Variants in MPPED1 observed in about 807,000 individuals in gnomAD.
MPPED1 encodes metallophosphoesterase domain-containing protein 1.
A neutral mutation model predicts 36.2 loss-of-function variants in MPPED1; 16 were observed. The observed-to-expected ratio is 0.44, with a 90% CI of 0.30 to 0.67. MPPED1 has a LOEUF of 0.67. Among genes scored for constraint, MPPED1 ranks in the 30% least tolerant of loss-of-function variants. The probability of loss-of-function intolerance (pLI) is 0.10; values close to 1 mark genes in which losing one functional copy is unlikely to be tolerated. For missense variants in MPPED1, 307 were observed against 453.4 expected (o/e 0.68, Z 2.93); for synonymous variants, 199 against 191.3 (o/e 1.04, Z -0.33).
chr22:43,448,576 CTTTTTATT>C (rs1930445638), intron 3 of MPPED1, among the ~76,000 whole-genome samples: 1 of 125,528 alleles, frequency 8.0e-6, no homozygotes, highest in African/African-American at 3.1e-5. Flanking sequence ...CTTTTAAAAT[CTTTTTATT>C]TATTTATTTA....
chr22:43,479,170 G>A (rs2146890851), intron 4 of MPPED1, among the ~76,000 whole-genome samples: 1 of 152,318 alleles, frequency 6.6e-6, no homozygotes, highest in South Asian at 2.1e-4. Context: ...CTCATTCGGG[G>A]GGTGCAGGTG....
At chr22:43,497,639 C>T (rs997727743) in intron 4 of MPPED1, among the ~76,000 whole-genome samples, 1 of 151,834 alleles carries the variant, frequency 6.6e-6, no homozygotes, top group African/African-American at 2.4e-5. Flanking sequence ...GCTGGGATTG[C>T]GTATAATGGT....
intron 3 of MPPED1, among the ~76,000 whole-genome samples, chr22:43,443,153 G>T (rs1930211301): frequency 6.6e-6 from 1 of 152,190 alleles, no homozygotes. Context: ...AAGATGGCTG[G>T]GGAAGGCCCC....
chr22:43,490,166 T>C (rs1417077185), intron 4 of MPPED1, among the ~76,000 whole-genome samples: 1 of 152,226 alleles, frequency 6.6e-6, no homozygotes, highest in African/African-American at 2.4e-5. Context: ...CCCAATGTTG[T>C]GGTGTCAGCT....
intron 3 of MPPED1, among the ~76,000 whole-genome samples, chr22:43,446,565 G>A (rs1178743514): frequency 6.6e-6 from 1 of 152,144 alleles, no homozygotes; most frequent in Non-Finnish European, 1.5e-5. Flanking sequence ...AGATGTGGCT[G>A]GAACCCCACG....
intron 4 of MPPED1, among the ~76,000 whole-genome samples, chr22:43,491,451 G>A (rs1312988866): frequency 6.6e-6 from 1 of 151,870 alleles, no homozygotes; most frequent in Non-Finnish European, 1.5e-5. Context: ...GATAGAGGAG[G>A]CGGTGGTGGT....
rs73889267 is a variant in MPPED1 at position 43,425,434 on chromosome 22, C to T, written c.224+225C>T. On this transcript the variant is annotated intron_variant, in intron 2 of 6. Coordinates refer to ENST00000443721, the MANE Select transcript of MPPED1 (RefSeq NM_001044370.2). ...GCCGATTCTGGCCGCAGTCCTGTTTCACTTGGCCAGGAGCATGTTTTACAA... is the reference window on the plus strand; with the variant it reads ...GCCGATTCTGGCCGCAGTCCTGTTTTACTTGGCCAGGAGCATGTTTTACAA... Among the ~76,000 whole-genome samples the T allele has an allele frequency of 6.6e-3, 1,007 of 152,328 alleles. 4 individuals are homozygous for T. The highest frequency in any genetic ancestry group is 0.023 in the African/African-American group (967 of 41,574).
At chr22:43,454,341 C>G (rs1230555969) in intron 3 of MPPED1, among the ~76,000 whole-genome samples, 3 of 152,174 alleles carry the variant, frequency 2.0e-5, no homozygotes, top group African/African-American at 7.2e-5. Context: ...GGATCTCACT[C>G]TGTTGCCAAG....
rs1932790802 is a variant in MPPED1 at position 43,505,527 on chromosome 22, A to G, written c.892A>G (p.Thr298Ala). 6.2e-7 allele frequency: 1 copy of G among 1,611,806 alleles called. No individual in the cohort carries two copies. Among genetic ancestry groups the G allele is most frequent in the East Asian group, 2.2e-5 (1 of 44,814 alleles). Residue 298 changes from threonine to alanine, a missense_variant, in exon 7 of 7, where the codon ACC becomes GCC. Around this residue, in one of 3 missense-constraint regions of MPPED1, gnomAD observed 132 missense variants for 212.3 expected, o/e 0.62. Coordinates refer to ENST00000443721, the MANE Select transcript of MPPED1 (RefSeq NM_001044370.2). ...GYGVMADGTT[T>A]YVNASVCTVN... ...TGGTGTCATGGCAGATGGGACGACCACCTATGTGAATGCGTCCGTATGCAC... is the reference window on the plus strand; with the variant it reads ...TGGTGTCATGGCAGATGGGACGACCGCCTATGTGAATGCGTCCGTATGCAC...
Position 43,483,265 on chromosome 22 carries a change from C to T in MPPED1, c.632+8304C>T, listed in dbSNP as rs563915512. 6.8e-4 allele frequency among the ~76,000 whole-genome samples: 104 copies of T among 152,380 alleles called. 1 individual carries two copies. The highest frequency in any genetic ancestry group is 1.3e-3 in the Non-Finnish European group (90 of 68,038). ...ACCTTGCCTCCCACCAGAACGGGGC[C>T]GAGTCCTGGGAGTGGAGGGCAGGGT... is the stretch of plus-strand genomic sequence containing the variant. On this transcript the variant is annotated intron_variant, in intron 4 of 6. Transcript: ENST00000443721.
At chr22:43,478,124 A>G (rs1227673682) in intron 4 of MPPED1, among the ~76,000 whole-genome samples, 1 of 152,124 alleles carries the variant, frequency 6.6e-6, no homozygotes, top group Non-Finnish European at 1.5e-5. Context: ...TGTCCAGGGC[A>G]CCCGCGGGGT....
At chr22:43,495,965 G>A (rs1932316707) in intron 4 of MPPED1, among the ~76,000 whole-genome samples, 1 of 142,560 alleles carries the variant, frequency 7.0e-6, no homozygotes, top group African/African-American at 2.6e-5. Context: ...GGTGGTGGTG[G>A]TGGAGATGGT....
At chr22:43,477,277 G>T (rs937404190) in intron 4 of MPPED1, among the ~76,000 whole-genome samples, 3 of 152,234 alleles carry the variant, frequency 2.0e-5, no homozygotes, top group African/African-American at 4.8e-5. Flanking sequence ...TCTCCATCCC[G>T]CAAGGGAGGC....
chr22:43,491,085 A>C (rs375617272), intron 4 of MPPED1, among the ~76,000 whole-genome samples: 3 of 152,204 alleles, frequency 2.0e-5, no homozygotes, highest in Non-Finnish European at 4.4e-5. Flanking sequence ...TGGACTCTCA[A>C]ATCTTGGGGA....
intron 3 of MPPED1, among the ~76,000 whole-genome samples, chr22:43,469,191 C>T (rs1931277934): frequency 6.6e-6 from 1 of 152,166 alleles, no homozygotes. Context: ...AATGGGGAAG[C>T]TCCGCTGTGT....
At position 43,453,087 on chromosome 22, in the gene MPPED1, C is replaced by T. The variant is rs576285536; in HGVS notation, c.406+17872C>T. 1.1e-4 allele frequency among the ~76,000 whole-genome samples: 16 copies of T among 151,752 alleles called. No individual in the cohort carries two copies. In the East Asian group the frequency reaches 3.1e-3, roughly 29 times the overall value. ...GCCTCAGCCTCCCGAGTAGCTGGGA[C>T]TACAGGCACCCGCTACCACGCCCGG... On this transcript the variant is annotated intron_variant, in intron 3 of 6. Transcript: ENST00000443721.
intron 1 of MPPED1, among the ~76,000 whole-genome samples, chr22:43,413,569 C>T (rs1268912239): frequency 6.6e-6 from 1 of 152,096 alleles, no homozygotes; most frequent in Non-Finnish European, 1.5e-5. Context: ...AACCTCAATG[C>T]GTTTGAGCTT....
intron 3 of MPPED1, among the ~76,000 whole-genome samples, chr22:43,455,994 CAG>C (rs1396033642): frequency 6.6e-6 from 1 of 152,192 alleles, no homozygotes; most frequent in African/African-American, 2.4e-5. Flanking sequence ...GGAGAGGAAA[CAG>C]GGAATCCTTC....
chr22:43,460,802 G>C (rs972715032), intron 3 of MPPED1, among the ~76,000 whole-genome samples: 1 of 152,082 alleles, frequency 6.6e-6, no homozygotes, highest in Non-Finnish European at 1.5e-5. Flanking sequence ...TCTTGCATGT[G>C]CTTCAAGGTC....
Sources: allele counts gnomAD v4.1 joint callset (sites outside exome capture counted in the v4.1 genomes callset), GRCh38; gene constraint gnomAD v4.1.1; regional missense constraint gnomAD v4.1.1; transcripts MANE v1.5; gene names NCBI Gene and HGNC (gene_info 2026-07-23, HGNC 2026-07-21).